Variants in FHIP1A observed in about 807,000 individuals in gnomAD.
FHIP1A encodes FHF complex subunit HOOK interacting protein 1A, also known as FHF complex subunit HOOK-interacting protein 1A.
Under a neutral mutation model 88.6 loss-of-function variants are expected in FHIP1A, and 61 were observed. The ratio of observed to expected loss-of-function variants is 0.69; its 90% CI spans 0.56 to 0.85. The LOEUF (loss-of-function observed/expected upper bound fraction) is 0.85. Among genes scored for constraint, FHIP1A ranks in the 40% least tolerant of loss-of-function variants. The pLI is 0.00. For missense variants in FHIP1A, 1,154 were observed against 1,273.5 expected (o/e 0.91, Z 1.43); for synonymous variants, 478 against 496.0 (o/e 0.96, Z 0.48).
At chr4:151,636,272 G>A (rs939804166) in intron 8 of FHIP1A, among the ~76,000 whole-genome samples, 2 of 151,854 alleles carry the variant, frequency 1.3e-5, no homozygotes, top group Admixed American at 1.3e-4. Context: ...GAACTTCCTA[G>A]CAATCTGATA....
intron 3 of FHIP1A, among the ~76,000 whole-genome samples, chr4:151,507,708 C>T (rs1160877712): frequency 6.6e-6 from 1 of 152,060 alleles, no homozygotes; most frequent in South Asian, 2.1e-4. Context: ...TGTAATGACC[C>T]ATAGAAAAAT....
intron 3 of FHIP1A, among the ~76,000 whole-genome samples, chr4:151,547,927 A>T (rs537108283): frequency 2.0e-5 from 3 of 152,122 alleles, no homozygotes; most frequent in African/African-American, 7.2e-5. Flanking sequence ...AGAAAAAGAA[A>T]AAAAAAAAAA....
At chr4:151,600,453 G>C (rs766374465) in intron 7 of FHIP1A, among the ~76,000 whole-genome samples, 1 of 152,126 alleles carries the variant, frequency 6.6e-6, no homozygotes, top group Non-Finnish European at 1.5e-5. Context: ...AGAAGGAATA[G>C]ATGGCATTCA....
At chr4:151,632,260 A>G (rs887348783) in intron 8 of FHIP1A, among the ~76,000 whole-genome samples, 1 of 151,946 alleles carries the variant, frequency 6.6e-6, no homozygotes, top group Non-Finnish European at 1.5e-5. Context: ...AATATTATAT[A>G]TAATACATGC....
chr4:151,567,650 G>A (rs1461934053), intron 4 of FHIP1A, among the ~76,000 whole-genome samples: 1 of 152,138 alleles, frequency 6.6e-6, no homozygotes, highest in East Asian at 1.9e-4. Context: ...CCTAAGGAAT[G>A]AGCCCAGTAG....
intron 9 of FHIP1A, among the ~76,000 whole-genome samples, chr4:151,644,518 AC>A (rs1415289418): frequency 6.6e-6 from 1 of 151,672 alleles, no homozygotes; most frequent in Non-Finnish European, 1.5e-5. Flanking sequence ...CACCCGGCTA[AC>A]TCTTCTATGT....
chr4:151,429,744 G>C (rs1049814143), intron 1 of FHIP1A, among the ~76,000 whole-genome samples: 1 of 151,260 alleles, frequency 6.6e-6, no homozygotes, highest in Non-Finnish European at 1.5e-5. Context: ...AGCAGTTCAG[G>C]AGTCTGAGGC....
In FHIP1A at chr4:151,426,802, C is replaced by T. The variant is rs557312502; in HGVS notation, c.-356+17337C>T. On this transcript the variant is annotated intron_variant, in intron 1 of 13. Transcript: ENST00000435205. ...TGTGAATTTTGTTTAGGTAGCCTTA[C>T]GGTGTTATAAGGCTTAAGATTTTAA... is the stretch of plus-strand genomic sequence containing the variant. 3.6e-4 allele frequency among the ~76,000 whole-genome samples: 54 copies of T among 152,064 alleles called. 1 individual carries two copies. The highest frequency in any genetic ancestry group is 5.3e-4 in the Non-Finnish European group (36 of 68,014).
chr4:151,485,282 G>GTTTTTTTTTTTTTTTT (rs74327398), intron 3 of FHIP1A, among the ~76,000 whole-genome samples: 8 of 118,742 alleles, frequency 6.7e-5, no homozygotes, highest in South Asian at 2.6e-4. Flanking sequence ...ATCTTTTCCA[G>GTTTTTTTTTTTTTTTT]TTTTTTTTTT....
intron 3 of FHIP1A, among the ~76,000 whole-genome samples, chr4:151,547,428 AC>A (rs934172094): frequency 1.3e-4 from 20 of 152,308 alleles, no homozygotes; most frequent in African/African-American, 2.9e-4. Flanking sequence ...CCCCAAAAAA[AC>A]GTTCTGTGGA....
intron 3 of FHIP1A, among the ~76,000 whole-genome samples, chr4:151,492,079 G>A (rs1730302582): frequency 6.6e-6 from 1 of 152,178 alleles, no homozygotes; most frequent in African/African-American, 2.4e-5. Flanking sequence ...TCCACTGACA[G>A]CACTAGACAG....
chr4:151,522,322 G>A (rs774905218), intron 3 of FHIP1A, among the ~76,000 whole-genome samples: 1 of 152,210 alleles, frequency 6.6e-6, no homozygotes, highest in Non-Finnish European at 1.5e-5. Context: ...TCGTGAAATA[G>A]AATTGTTTGT....
Position 151,588,849 on chromosome 4 carries a change from C to T in FHIP1A, c.901C>T (p.Pro301Ser). The part of the protein sequence containing the change: ...FCNAVIQVAH[P>S]LIRNQLVNYI... ...TGTGCCTCTCTCTCAGGTGGCTCAC[C>T]CCTTGATTCGAAATCAGCTTGTCAA... Residue 301 changes from proline (P) to serine (S), a missense_variant, in exon 7 of 14, where the codon CCC becomes TCC. Coordinates refer to ENST00000435205, the MANE Select transcript of FHIP1A (RefSeq NM_001109977.3). The T allele has an allele frequency of 6.5e-7, 1 of 1,550,386 alleles. No homozygotes were observed. Among genetic ancestry groups the T allele is most frequent in the Non-Finnish European group, 8.7e-7 (1 of 1,145,982 alleles).
At chr4:151,646,520 T>C (rs1029874033) in intron 9 of FHIP1A, 38 bp from the exon 10 acceptor site, 3 of 1,463,758 alleles carry the variant, frequency 2.0e-6, no homozygotes, top group Non-Finnish European at 2.8e-6. Context: ...GTTCAAGACA[T>C]TGCAGAGACC....
intron 5 of FHIP1A, among the ~76,000 whole-genome samples, chr4:151,579,459 G>A (rs139562273): frequency 2.0e-3 from 309 of 152,236 alleles, no homozygotes; most frequent in African/African-American, 7.1e-3. Flanking sequence ...GGAGCTATAC[G>A]TGGTTTGGGT....
intron 2 of FHIP1A, among the ~76,000 whole-genome samples, chr4:151,478,797 G>C (rs1425767850): frequency 6.6e-6 from 1 of 151,990 alleles, no homozygotes; most frequent in Non-Finnish European, 1.5e-5. Flanking sequence ...AACACCTTAT[G>C]AGTAGTTGTC....
chr4:151,558,372 C>T (rs1453743084), intron 3 of FHIP1A, among the ~76,000 whole-genome samples: 1 of 151,960 alleles, frequency 6.6e-6, no homozygotes, highest in African/African-American at 2.4e-5. Context: ...CGTGTCTCTA[C>T]TAAAAATACA....
At position 151,450,364 on chromosome 4, in the gene FHIP1A, A is replaced by G. The variant is rs144617440; in HGVS notation, c.-355-4337A>G. Among the ~76,000 whole-genome samples the G allele has an allele frequency of 3.1e-4, 47 of 152,212 alleles. No individual in the cohort carries two copies. In the East Asian group the frequency reaches 7.1e-3, roughly 23 times the overall value. On this transcript the variant is annotated intron_variant, in intron 1 of 13. Coordinates refer to ENST00000435205, the MANE Select transcript of FHIP1A (RefSeq NM_001109977.3). ...TATCTTTTGGATATTTTTTCTTAGC[A>G]CATATACACTATAGGCTAAGAAGTA...
At chr4:151,463,138 C>T (rs1729196524) in intron 2 of FHIP1A, among the ~76,000 whole-genome samples, 1 of 152,156 alleles carries the variant, frequency 6.6e-6, no homozygotes, top group South Asian at 2.1e-4. Context: ...ATAATGAATA[C>T]TTAACACCCT....
Sources: allele counts gnomAD v4.1 joint callset (sites outside exome capture counted in the v4.1 genomes callset), GRCh38; gene constraint gnomAD v4.1.1; transcripts MANE v1.5; gene names NCBI Gene and HGNC (gene_info 2026-07-23, HGNC 2026-07-21).